AP1G2: variants seen among roughly 807,000 people sequenced by gnomAD.
AP1G2 encodes AP-1 complex subunit gamma-like 2.
A neutral mutation model predicts 95.8 loss-of-function variants in AP1G2; 85 were observed. The observed-to-expected ratio is 0.89, with a 90% CI of 0.74 to 1.06. AP1G2 has a LOEUF of 1.06. Ranked by LOEUF, AP1G2 falls within the 50% of genes least tolerant of loss-of-function variation. AP1G2 has a pLI of 0.00. For synonymous variants in AP1G2, 378 were observed against 400.0 expected (o/e 0.94, Z 0.66); for missense variants, 967 against 1,005.8 (o/e 0.96, Z 0.52).
At chr14:23,565,522 G>C (rs1317849264) in intron 7 of AP1G2, 84 bp downstream of exon 7, 1 of 1,245,778 alleles carries the variant, frequency 8.0e-7, no homozygotes, top group African/African-American at 1.5e-5. Context: ...GAGAACCAGT[G>C]TTCTCTGGGA....
At chr14:23,564,801 C>T in intron 8 of AP1G2, 141 bp from the exon 9 acceptor site, 1 of 777,056 alleles carries the variant, frequency 1.3e-6, no homozygotes, top group Non-Finnish European at 2.1e-6. Flanking sequence ...CCTCAGCCTC[C>T]TGAGTGGCTG....
chr14:23,566,538 A>T (rs200157348), intron 3 of AP1G2, 24 bp downstream of exon 3: 67 of 1,613,154 alleles, frequency 4.2e-5, no homozygotes, highest in African/African-American at 1.3e-5. Flanking sequence ...CCCTGATTCC[A>T]AGTGATTGCC....
chr14:23,564,376 T>C lies in AP1G2; in HGVS notation c.934A>G (p.Asn312Asp). The C allele has an allele frequency of 6.2e-7, 1 of 1,614,140 alleles. No individual in the cohort carries two copies. ...SAAGLRVLAVNILGRFLLNSD... is the reference protein window; with the variant it reads ...SAAGLRVLAVDILGRFLLNSD... The stretch of plus-strand genomic sequence containing the variant: ...TTGAGTAGGAAGCGACCAAGAATGT[T>C]GACAGCTAGAACCTATGAGAGGCAG... Residue 312 changes from asparagine (N) to aspartate (D), a missense_variant, in exon 10 of 22, where the codon AAC (asparagine) becomes GAC (aspartate). Transcript: ENST00000397120.
intron 3 of AP1G2, 35 bp from the exon 4 acceptor site, chr14:23,566,454 T>C: frequency 6.2e-7 from 1 of 1,608,852 alleles, no homozygotes; most frequent in Non-Finnish European, 8.5e-7. Flanking sequence ...GTCAAACCTC[T>C]GAGAAAATCA....
At chr14:23,566,840 G>T in intron 2 of AP1G2, 154 bp from the exon 3 acceptor site, 1 of 1,176,294 alleles carries the variant, frequency 8.5e-7, no homozygotes, top group Non-Finnish European at 1.2e-6. Flanking sequence ...GGAAATTCAG[G>T]CGTTAGTGGG....
At chr14:23,562,616 G>A (rs1201264139) in intron 14 of AP1G2, 23 bp from the exon 15 acceptor site, 1 of 1,607,304 alleles carries the variant, frequency 6.2e-7, no homozygotes, top group Admixed American at 1.7e-5. Context: ...AGAAACTGCT[G>A]GGCTGGCCAG....
Position 23,566,394 on chromosome 14 carries a change from C to G in AP1G2, c.355G>C (p.Val119Leu). ...KNDLSQGIQPVQGLALCTLST... is the reference protein window; with the variant it reads ...KNDLSQGIQPLQGLALCTLST... ...AAAGTGCACAAGGCCAGGCCTTGTA[C>G]TGGCTGAATCCCCTGGCTCAGGTCA... The change falls in exon 4 of 22, where the codon GTA (valine) becomes CTA (leucine). Residue 119 changes from valine to leucine, a missense_variant. Val to Leu is a conservative substitution (Grantham distance 32, BLOSUM62 1). Coordinates refer to ENST00000397120, the MANE Select transcript of AP1G2 (RefSeq NM_003917.5). 6.2e-7 allele frequency: 1 copy of G among 1,613,978 alleles called. No individual in the cohort carries two copies. Among genetic ancestry groups the G allele is most frequent in the Non-Finnish European group, 8.5e-7 (1 of 1,179,976 alleles).
intron 14 of AP1G2, chr14:23,562,937 G>T: frequency 1.5e-6 from 1 of 656,464 alleles, no homozygotes; most frequent in Non-Finnish European, 2.2e-6. Context: ...AGAACTACAT[G>T]GCCTAACCAA....
chr14:23,567,320 C>G lies in AP1G2; in HGVS notation c.-5-1G>C. 1 of 1,612,172 alleles carries G rather than the reference C, an allele frequency of 6.2e-7. No individual in the cohort carries two copies. Among genetic ancestry groups the G allele is most frequent in the East Asian group, 2.2e-5 (1 of 44,810 alleles). On this transcript the variant is annotated splice_acceptor_variant, in intron 1 of 21. Transcript: ENST00000397120. LOFTEE classifies it low-confidence loss of function (5UTR_SPLICE). This position sits in a 1 kb window ranked among gnomAD's most constrained non-coding sequence, Gnocchi z 5.3. ...TTCAGCGAAGGCACCACCATCCTGA[C>G]TGGCAGAGTCCGGGAGTGGAGAAAC... is the stretch of plus-strand genomic sequence containing the variant.
chr14:23,559,875 G>T lies in AP1G2; in HGVS notation c.2257-25C>A, dbSNP rs544294263. 3.1e-6 allele frequency: 5 copies of T among 1,613,510 alleles called. No individual in the cohort carries two copies. In the South Asian group the frequency reaches 5.5e-5, roughly 18 times the overall value. On this transcript the variant is annotated intron_variant, in intron 21 of 21. Coordinates refer to ENST00000397120, the MANE Select transcript of AP1G2 (RefSeq NM_003917.5). ...CCTAGGAATAGGAGAGCAGGGACCA[G>T]GGTTAGCACCCACGGCTTCTTCTAT...
intron 7 of AP1G2, 134 bp downstream of exon 7, chr14:23,565,472 A>G (rs1187952970): frequency 1.2e-6 from 1 of 823,118 alleles, no homozygotes; most frequent in East Asian, 2.7e-5. Context: ...GGATGACCCG[A>G]GCAATCCTGT....
In AP1G2 at chr14:23,560,022, C is replaced by G. The variant is rs35523637; in HGVS notation, c.2172G>C (p.Gln724His). The G allele has an allele frequency of 1.2e-5, 20 of 1,608,346 alleles. No individual in the cohort carries two copies. The highest frequency in any genetic ancestry group is 1.8e-4 in the Middle Eastern group (1 of 5,624). The stretch of plus-strand genomic sequence containing the variant: ...CTGTGTTCCCACTGGGGGCCTGCAG[C>G]TGCAGCTGGAGACTCTGAACACAGG... The part of the protein sequence containing the change: ...QAAVPKSLQL[Q>H]LQAPSGNTVP... Residue 724 changes from glutamine to histidine, a missense_variant, in exon 21 of 22, where the codon CAG becomes CAC. By Grantham distance (24) the Gln-to-His change is conservative (BLOSUM62 0). Transcript: ENST00000397120.
intron 5 of AP1G2, 78 bp from the exon 6 acceptor site, chr14:23,565,970 A>G: frequency 1.2e-6 from 2 of 1,610,226 alleles, no homozygotes; most frequent in Middle Eastern, 1.7e-4. Context: ...GTGTGTGTGC[A>G]CTACCCTTCT....
chr14:23,563,105 CAA>C (rs1885919087), intron 14 of AP1G2: 1 of 1,357,210 alleles, frequency 7.4e-7, no homozygotes, highest in Non-Finnish European at 9.5e-7. Flanking sequence ...CTCATAAACA[CAA>C]GAGCTTTAAT....
chr14:23,562,443 C>G, intron 15 of AP1G2, 28 bp from the exon 16 acceptor site: 1 of 1,614,056 alleles, frequency 6.2e-7, no homozygotes, highest in Non-Finnish European at 8.5e-7. Flanking sequence ...GTTAGTGGCC[C>G]TGGTGCAAGT....
At chr14:23,561,908 T>C in intron 17 of AP1G2, 54 bp downstream of exon 17, 2 of 1,550,438 alleles carry the variant, frequency 1.3e-6, no homozygotes, top group African/African-American at 1.4e-5. Flanking sequence ...GAAAAGGGCA[T>C]TTGGGAGAGG....
At chr14:23,560,531 T>C in intron 19 of AP1G2, 113 bp from the exon 20 acceptor site, 1 of 1,132,808 alleles carries the variant, frequency 8.8e-7, no homozygotes, top group Non-Finnish European at 1.2e-6. Flanking sequence ...CTCGAAAGGC[T>C]AGTAACAAAG....
At chr14:23,561,082 G>T (rs956565150) in intron 19 of AP1G2, 10 of 1,287,090 alleles carry the variant, frequency 7.8e-6, no homozygotes, top group Non-Finnish European at 9.8e-6. Context: ...GGTTGGGGAG[G>T]AAGCAGGGCC....
At position 23,567,523 on chromosome 14, in the gene AP1G2, C is replaced by T. The variant is rs1351222834; in HGVS notation, c.-5-204G>A. ...GAAGCCCACTACGCATGCGTCCGCA[C>T]CCCACCGGCGCCCCTTCCTATTGAG... is the stretch of plus-strand genomic sequence containing the variant. On this transcript the variant is annotated intron_variant, in intron 1 of 21. Transcript: ENST00000397120. This position sits in a 1 kb window ranked among gnomAD's most constrained non-coding sequence, Gnocchi z 5.3. 1.4e-5 allele frequency: 19 copies of T among 1,361,918 alleles called. No individual in the cohort carries two copies. The highest frequency in any genetic ancestry group is 1.2e-4 in the African/African-American group (8 of 65,778). The allele number at this position is 1,361,918 out of a possible 1,614,324, so 84.4% of individuals were successfully genotyped here. A position where few individuals can be genotyped will look rare whatever the true frequency, so the allele number is the denominator to read the frequency against.
Sources: gnomAD v4.1 joint callset for allele counts on GRCh38, gnomAD v4.1.1 for gene constraint, Gnocchi (gnomAD v3.1) non-coding constraint, MANE v1.5 for transcripts, NCBI Gene and HGNC (gene_info 2026-07-23, HGNC 2026-07-21) for gene names.